ENTPD3: variants seen among roughly 807,000 people sequenced by gnomAD.
ENTPD3 encodes ectonucleoside triphosphate diphosphohydrolase 3, also known as CD39 antigen-like 3.
A neutral mutation model predicts 51.2 loss-of-function variants in ENTPD3; 60 were observed. The observed-to-expected ratio is 1.17, with a 90% CI of 0.95 to 1.45. The LOEUF is 1.45. Among genes scored for constraint, ENTPD3 ranks in the 40% most tolerant of loss-of-function variants. The pLI, the probability that ENTPD3 is intolerant of heterozygous loss-of-function variation, is 0.00. For missense variants in ENTPD3, 593 were observed against 641.1 expected (o/e 0.93, Z 0.81); for synonymous variants, 221 against 238.4 (o/e 0.93, Z 0.67).
chr3:40,398,390 G>C (rs73076035), intron 3 of ENTPD3, among the ~76,000 whole-genome samples: 38,320 of 152,116 alleles, frequency 0.25, 5,905 homozygotes, highest in East Asian at 0.51. Context: ...TGGCAGGGCG[G>C]GCTGGAGTGG....
intron 5 of ENTPD3, 92 bp downstream of exon 5, chr3:40,412,054 C>T (rs1032257301): frequency 3.1e-5 from 39 of 1,241,828 alleles, no homozygotes; most frequent in Admixed American, 1.5e-4. Context: ...TTTCTGGGAA[C>T]AACCCTCGCC....
intron 10 of ENTPD3, among the ~76,000 whole-genome samples, chr3:40,426,579 A>C (rs1037491151): frequency 3.3e-5 from 5 of 152,196 alleles, no homozygotes; most frequent in African/African-American, 1.2e-4. Flanking sequence ...AATTTTTAGA[A>C]ATCAAGCAGG....
At chr3:40,411,300 A>G (rs1376438071) in intron 4 of ENTPD3, among the ~76,000 whole-genome samples, 1 of 119,910 alleles carries the variant, frequency 8.3e-6, no homozygotes, top group Non-Finnish European at 1.6e-5. Context: ...CAGAAAAAAA[A>G]AAAAAGAAAA....
intron 2 of ENTPD3, 25 bp from the exon 3 acceptor site, chr3:40,391,998 T>G: frequency 5.0e-6 from 8 of 1,613,406 alleles, no homozygotes; most frequent in Non-Finnish European, 6.8e-6. Flanking sequence ...CCCCCTCAAG[T>G]GTCTTCTGGG....
intron 7 of ENTPD3, among the ~76,000 whole-genome samples, chr3:40,417,824 T>G (rs973817147): frequency 6.6e-6 from 1 of 152,182 alleles, no homozygotes; most frequent in African/African-American, 2.4e-5. Flanking sequence ...ATGCCTAATG[T>G]CCTTTGCTCC....
intron 4 of ENTPD3, among the ~76,000 whole-genome samples, chr3:40,403,416 C>T (rs1203714583): frequency 2.6e-5 from 4 of 152,130 alleles, no homozygotes; most frequent in Admixed American, 6.5e-5. Flanking sequence ...TCAGCTGATC[C>T]GTTATGCTGC....
chr3:40,425,120 T>C (rs979152596), intron 10 of ENTPD3: 2 of 223,752 alleles, frequency 8.9e-6, no homozygotes, highest in Non-Finnish European at 9.2e-6. Flanking sequence ...AATTAGTATT[T>C]AAATGTGAAG....
Position 40,427,268 on chromosome 3 carries a change from A to G in ENTPD3, c.1354-4A>G, listed in dbSNP as rs1381273932. 6.2e-7 allele frequency: 1 copy of G among 1,612,790 alleles called. No homozygotes were observed. Among genetic ancestry groups the G allele is most frequent in the Admixed American group, 1.7e-5 (1 of 59,984 alleles). On this transcript the variant is annotated splice_polypyrimidine_tract_variant and splice_region_variant and intron_variant, in intron 10 of 10. Transcript: ENST00000301825. ...AGCGCTGAGCCATCTCCTCTACTCC[A>G]CAGGTGGGGAATAGCAGCATAGCCT... is the stretch of plus-strand genomic sequence containing the variant.
At chr3:40,420,361 G>A (rs1019228346) in intron 7 of ENTPD3, among the ~76,000 whole-genome samples, 11 of 151,170 alleles carry the variant, frequency 7.3e-5, no homozygotes, top group South Asian at 2.1e-4. Context: ...TCAGCCTCCC[G>A]AGTAGCTGGG....
At chr3:40,404,544 T>C (rs540869723) in intron 4 of ENTPD3, among the ~76,000 whole-genome samples, 17 of 152,188 alleles carry the variant, frequency 1.1e-4, no homozygotes, top group Non-Finnish European at 2.1e-4. Context: ...GAAGGGTTCC[T>C]TGGCCCACCC....
At chr3:40,387,711 T>C (rs566621634) in intron 1 of ENTPD3, among the ~76,000 whole-genome samples, 172 of 152,270 alleles carry the variant, frequency 1.1e-3, no homozygotes, top group Non-Finnish European at 2.0e-3. Context: ...CGCCTCAGCT[T>C]TGTGAATGTT....
chr3:40,387,966 G>A (rs1954975713), intron 1 of ENTPD3, 80 bp from the exon 2 acceptor site: 2 of 1,218,062 alleles, frequency 1.6e-6, no homozygotes, highest in Non-Finnish European at 2.4e-6. Flanking sequence ...AATGGGTTTT[G>A]TCTTAACCTG....
intron 7 of ENTPD3, among the ~76,000 whole-genome samples, chr3:40,416,694 G>A (rs1300424762): frequency 6.6e-6 from 1 of 152,178 alleles, no homozygotes; most frequent in Non-Finnish European, 1.5e-5. Flanking sequence ...GTGTGTTCAT[G>A]AGGGCACTAA....
chr3:40,400,128 G>A (rs1955311131), intron 3 of ENTPD3, among the ~76,000 whole-genome samples: 1 of 151,962 alleles, frequency 6.6e-6, no homozygotes, highest in East Asian at 1.9e-4. Flanking sequence ...AGCCAGGGAT[G>A]GTGGTGGGCA....
chr3:40,426,876 A>G (rs1035780154), intron 10 of ENTPD3, among the ~76,000 whole-genome samples: 4 of 152,212 alleles, frequency 2.6e-5, no homozygotes, highest in Non-Finnish European at 2.9e-5. Context: ...GAATAAATTG[A>G]CAGTCAGCTT....
intron 3 of ENTPD3, among the ~76,000 whole-genome samples, chr3:40,393,905 G>A (rs12490275): frequency 2.6e-5 from 4 of 151,184 alleles, no homozygotes; most frequent in Non-Finnish European, 4.4e-5. Context: ...TTAGCTGGGC[G>A]TGGTGGTGGG....
At chr3:40,424,279 A>G (rs1225514501) in intron 10 of ENTPD3, 1 of 501,690 alleles carries the variant, frequency 2.0e-6, no homozygotes, top group African/African-American at 2.1e-5. Flanking sequence ...GAAGGTACTT[A>G]GTAAATGTTG....
chr3:40,413,474 T>C (rs549459154), intron 5 of ENTPD3, among the ~76,000 whole-genome samples: 4 of 152,322 alleles, frequency 2.6e-5, no homozygotes, highest in South Asian at 2.1e-4. Context: ...TTTGTACATA[T>C]GTAAACTTCT....
chr3:40,402,055 G>C (rs530027192), intron 4 of ENTPD3, among the ~76,000 whole-genome samples: 1 of 150,888 alleles, frequency 6.6e-6, no homozygotes, highest in Admixed American at 6.6e-5. Context: ...TAACAACATT[G>C]GGTTTTTAAG....
Sources: allele counts gnomAD v4.1 joint callset (sites outside exome capture counted in the v4.1 genomes callset), GRCh38; gene constraint gnomAD v4.1.1; transcripts MANE v1.5; gene names NCBI Gene and HGNC (gene_info 2026-07-23, HGNC 2026-07-21).